Variants in RMI1 observed in about 807,000 individuals in gnomAD.
RMI1 encodes RecQ mediated genome instability 1.
RMI1 carries 36 observed loss-of-function variants against 46.7 expected under a neutral mutation model. The observed-to-expected ratio is 0.77, with a 90% CI of 0.59 to 1.02. RMI1 has a LOEUF of 1.02. Ranked by LOEUF, RMI1 falls within the 50% of genes least tolerant of loss-of-function variation. The pLI, the probability that RMI1 is intolerant of heterozygous loss-of-function variation, is 0.00. For synonymous variants in RMI1, 250 were observed against 252.9 expected (o/e 0.99, Z 0.11); for missense variants, 676 against 713.7 (o/e 0.95, Z 0.60).
chr9:83,996,243 C>T (rs1019403233), intron 1 of RMI1, among the ~76,000 whole-genome samples: 4 of 152,186 alleles, frequency 2.6e-5, no homozygotes, highest in Non-Finnish European at 5.9e-5. Context: ...GACCACACTA[C>T]GTGTGTTATA....
At chr9:83,994,780 A>C (rs1034596496) in intron 1 of RMI1, among the ~76,000 whole-genome samples, 20 of 152,178 alleles carry the variant, frequency 1.3e-4, no homozygotes, top group Admixed American at 1.2e-3. Context: ...CGGCCTCCCA[A>C]GTGTTGTGAT....
At chr9:83,988,098 G>A (rs188889899) in intron 1 of RMI1, among the ~76,000 whole-genome samples, 1 of 151,954 alleles carries the variant, frequency 6.6e-6, no homozygotes, top group South Asian at 2.1e-4. Flanking sequence ...TGCCCAGGCT[G>A]GTTTTGAACT....
At position 83,987,068 on chromosome 9, in the gene RMI1, C is replaced by G. The variant is rs145513568; in HGVS notation, c.-126+6177C>G. Among the ~76,000 whole-genome samples, 1,035 of 152,186 alleles carry G rather than the reference C, an allele frequency of 6.8e-3. 7 individuals are homozygous for G. Among genetic ancestry groups the G allele is most frequent in the Non-Finnish European group, 0.011 (737 of 67,994 alleles). The stretch of plus-strand genomic sequence containing the variant: ...GGTTCCTTCCCTCCCCTCCCCTCCC[C>G]TTCCCTTCGCTTTCCGATGGAGTCT... On this transcript the variant is annotated intron_variant, in intron 1 of 2. Transcript: ENST00000445877.
At chr9:83,999,188 TAAA>T (rs113984540) in intron 1 of RMI1, among the ~76,000 whole-genome samples, 3 of 149,566 alleles carry the variant, frequency 2.0e-5, no homozygotes, top group South Asian at 2.1e-4. Context: ...TAAAATAAAA[TAAA>T]AAAAAATAAA....
chr9:84,002,212 C>T lies in RMI1; in HGVS notation c.1226C>T (p.Pro409Leu). The change falls in exon 3 of 3, where the codon CCC (proline) becomes CTC (leucine). Residue 409 changes from proline (P) to leucine (L), a missense_variant. Physicochemically the swap from Pro to Leu is moderately conservative, Grantham distance 98. Coordinates refer to ENST00000445877, the MANE Select transcript of RMI1 (RefSeq NM_001358291.2). ...RSIFSVHCNVPLAHDFTNKEK... is the reference protein window; with the variant it reads ...RSIFSVHCNVLLAHDFTNKEK... ...ATTTTTTCAGTTCATTGTAATGTACCCTTAGCCCATGATTTTACAAATAAA... is the reference window on the plus strand; with the variant it reads ...ATTTTTTCAGTTCATTGTAATGTACTCTTAGCCCATGATTTTACAAATAAA... The T allele has an allele frequency of 6.2e-7, 1 of 1,610,202 alleles. No homozygotes were observed. The highest frequency in any genetic ancestry group is 8.5e-7 in the Non-Finnish European group (1 of 1,179,028).
At chr9:83,981,565 C>G (rs1957396684) in intron 1 of RMI1, among the ~76,000 whole-genome samples, 1 of 152,174 alleles carries the variant, frequency 6.6e-6, no homozygotes, top group African/African-American at 2.4e-5. Flanking sequence ...CACTTTCAAT[C>G]GGTGACAGCC....
At chr9:83,994,220 G>A (rs879812914) in intron 1 of RMI1, among the ~76,000 whole-genome samples, 8 of 152,106 alleles carry the variant, frequency 5.3e-5, no homozygotes, top group Admixed American at 5.2e-4. Context: ...TATGTGGTTT[G>A]CAAATATTTT....
chr9:83,993,946 ATTT>A (rs35033710), intron 1 of RMI1, among the ~76,000 whole-genome samples: 5 of 127,170 alleles, frequency 3.9e-5, no homozygotes, highest in Admixed American at 8.3e-5. Context: ...TGCCCGGCTA[ATTT>A]TTTTTTTTTT....
rs1957742409 is a variant in RMI1, at chr9:84,001,890, C to G, written c.904C>G (p.Leu302Val). 1 of 1,613,914 alleles carries G rather than the reference C, an allele frequency of 6.2e-7. No homozygotes were observed. The highest frequency in any genetic ancestry group is 1.7e-5 in the Admixed American group (1 of 59,996). ...SPRPKEEPSN[L>V]SIHVMDGELD... ...AAGACCAAAAGAGGAACCATCAAAC[C>G]TATCTATACATGTAATGGATGGAGA... The change falls in exon 3 of 3, where the codon CTA (leucine) becomes GTA (valine). Residue 302 changes from leucine (L) to valine (V), a missense_variant. Leu to Val is a conservative substitution (Grantham distance 32, BLOSUM62 1). Coordinates refer to ENST00000445877, the MANE Select transcript of RMI1 (RefSeq NM_001358291.2).
intron 1 of RMI1, among the ~76,000 whole-genome samples, chr9:83,988,384 G>A (rs552385575): frequency 6.6e-6 from 1 of 152,298 alleles, no homozygotes; most frequent in East Asian, 1.9e-4. Context: ...TCTCACTGCA[G>A]CCTTGTCCTC....
At chr9:83,988,391 C>T (rs1363412320) in intron 1 of RMI1, among the ~76,000 whole-genome samples, 2 of 152,172 alleles carry the variant, frequency 1.3e-5, no homozygotes, top group Non-Finnish European at 2.9e-5. Context: ...GCAGCCTTGT[C>T]CTCCTAGGCT....
In RMI1 at chr9:84,001,651, C is replaced by T; in HGVS notation, c.665C>T (p.Pro222Leu). ...CCTGATCTTGTAGTTTCAGTCATAC[C>T]AAACAATTCTAACGAAAACATTCCC... is the stretch of plus-strand genomic sequence containing the variant. Reference protein sequence around the residue: ...GEPDLVVSVIPNNSNENIPRV... With the variant: ...GEPDLVVSVILNNSNENIPRV... The change falls in exon 3 of 3, where the codon CCA (proline) becomes CTA (leucine). Residue 222 changes from proline (P) to leucine (L), a missense_variant. Transcript: ENST00000445877. 6.2e-7 allele frequency: 1 copy of T among 1,613,944 alleles called. No individual in the cohort carries two copies. The highest frequency in any genetic ancestry group is 2.2e-5 in the East Asian group (1 of 44,870).
chr9:83,988,597 C>G (rs951307653), intron 1 of RMI1, among the ~76,000 whole-genome samples: 3 of 152,226 alleles, frequency 2.0e-5, no homozygotes, highest in African/African-American at 7.2e-5. Flanking sequence ...AGCCACTGCA[C>G]CTTGCCCAAC....
At chr9:83,991,723 C>T (rs1272166545) in intron 1 of RMI1, among the ~76,000 whole-genome samples, 1 of 152,178 alleles carries the variant, frequency 6.6e-6, no homozygotes, top group African/African-American at 2.4e-5. Context: ...ACACTTGGCT[C>T]TGTGATCCAT....
chr9:83,989,933 G>A (rs1480453352), intron 1 of RMI1, among the ~76,000 whole-genome samples: 4 of 152,152 alleles, frequency 2.6e-5, no homozygotes, highest in African/African-American at 9.7e-5. Context: ...CCAAGATACG[G>A]AAAAACCTGA....
intron 1 of RMI1, among the ~76,000 whole-genome samples, chr9:83,992,531 A>G (rs1412384027): frequency 1.3e-5 from 2 of 151,834 alleles, no homozygotes; most frequent in East Asian, 1.9e-4. Flanking sequence ...TGTTTATTGT[A>G]TGAGACCTGA....
intron 1 of RMI1, among the ~76,000 whole-genome samples, chr9:83,999,277 ATACATT>A (rs1957704790): frequency 1.3e-5 from 2 of 152,140 alleles, no homozygotes; most frequent in African/African-American, 4.8e-5. Flanking sequence ...TAATAATAGT[ATACATT>A]TACTGAGTTC....
intron 1 of RMI1, among the ~76,000 whole-genome samples, chr9:83,992,219 CTG>C (rs1458089816): frequency 6.6e-6 from 1 of 152,190 alleles, no homozygotes; most frequent in Non-Finnish European, 1.5e-5. Flanking sequence ...ATAAAATACA[CTG>C]TTTTGTCCGT....
In RMI1 at chr9:83,988,098, G is replaced by T. The variant is rs188889899; in HGVS notation, c.-126+7207G>T. Among the ~76,000 whole-genome samples the T allele has an allele frequency of 2.6e-5, 4 of 152,072 alleles. No individual in the cohort carries two copies. In the East Asian group the frequency reaches 7.7e-4, roughly 29 times the overall value. On this transcript the variant is annotated intron_variant, in intron 1 of 2. Transcript: ENST00000445877. ...GAGAGATAGAGATATTGCCCAGGCT[G>T]GTTTTGAACTCCTGGCCTCAAGTGA...
Sources: gnomAD v4.1 joint callset for allele counts (sites outside exome capture counted in the v4.1 genomes callset) on GRCh38, gnomAD v4.1.1 for gene constraint, MANE v1.5 for transcripts, NCBI Gene and HGNC (gene_info 2026-07-23, HGNC 2026-07-21) for gene names.